WWOX: variants seen among roughly 807,000 people sequenced by gnomAD.
The protein encoded by WWOX is WW domain-containing oxidoreductase.
In WWOX, 69 loss-of-function variants were observed where a neutral mutation model predicts 46.2. The ratio of observed to expected loss-of-function variants is 1.49; its 90% CI spans 1.23 to 1.82. WWOX has a LOEUF of 1.82. Among genes scored for constraint, WWOX ranks in the 40% most tolerant of loss-of-function variants. WWOX has a pLI of 0.00. For synonymous variants in WWOX, 359 were observed against 202.6 expected (o/e 1.77, Z -6.56); for missense variants, 919 against 542.6 (o/e 1.69, Z -6.89).
intron 8 of WWOX, among the ~76,000 whole-genome samples, chr16:78,664,310 G>T (rs572084670): frequency 1.3e-5 from 2 of 152,336 alleles, no homozygotes; most frequent in African/African-American, 2.4e-5. Context: ...CTGACTCCCA[G>T]TGTGGGCTGG....
chr16:78,588,840 C>A (rs141981395), intron 8 of WWOX, among the ~76,000 whole-genome samples: 1 of 152,086 alleles, frequency 6.6e-6, no homozygotes, highest in Non-Finnish European at 1.5e-5. Context: ...CAGGTTTACC[C>A]AGGGTGGTGG....
intron 4 of WWOX, among the ~76,000 whole-genome samples, chr16:78,158,473 C>T (rs1412623987): frequency 2.0e-5 from 3 of 151,814 alleles, no homozygotes; most frequent in Admixed American, 6.6e-5. Context: ...TCCCTCCCTC[C>T]CCTCCCCTCC....
chr16:78,650,559 G>A (rs1228229978), intron 8 of WWOX, among the ~76,000 whole-genome samples: 1 of 152,134 alleles, frequency 6.6e-6, no homozygotes, highest in Non-Finnish European at 1.5e-5. Context: ...GCCTGCAAAT[G>A]CATTTTTCAT....
intron 8 of WWOX, among the ~76,000 whole-genome samples, chr16:78,966,816 C>A (rs895299416): frequency 6.6e-6 from 1 of 152,246 alleles, no homozygotes; most frequent in Non-Finnish European, 1.5e-5. Flanking sequence ...GGCAGAATTA[C>A]CTACTGCTTT....
At chr16:78,518,501 G>T (rs1006633711) in intron 8 of WWOX, among the ~76,000 whole-genome samples, 1 of 152,142 alleles carries the variant, frequency 6.6e-6, no homozygotes, top group Non-Finnish European at 1.5e-5. Context: ...GATTACAGAC[G>T]TGAGTGACCA....
rs1567450453 is a variant in WWOX, at chr16:78,632,042, TAA to T, written c.1056+199293_1056+199294del. Among the ~76,000 whole-genome samples the T allele has an allele frequency of 3.7e-4, 56 of 151,894 alleles. 1 individual carries two copies. The highest frequency in any genetic ancestry group is 1.3e-3 in the African/African-American group (54 of 41,368). ...CCTCCCAATTTTTTCTTAAAAAAAA[TAA>T]AAGTCTTCTTGGTCCATGAAATCCA... is the stretch of plus-strand genomic sequence containing the variant. On this transcript the variant is annotated intron_variant, in intron 8 of 8. Transcript: ENST00000566780.
intron 8 of WWOX, among the ~76,000 whole-genome samples, chr16:78,560,360 T>G (rs2044406052): frequency 6.6e-6 from 1 of 152,170 alleles, no homozygotes; most frequent in Non-Finnish European, 1.5e-5. Context: ...ATAACATTAG[T>G]GGCCAGGTGC....
intron 8 of WWOX, among the ~76,000 whole-genome samples, chr16:78,507,500 C>T (rs2085240407): frequency 6.6e-6 from 1 of 152,186 alleles, no homozygotes; most frequent in Admixed American, 6.5e-5. Flanking sequence ...CCATAAAAAG[C>T]TGCCTGTGTT....
chr16:79,185,555 T>C (rs1224731082), intron 8 of WWOX, among the ~76,000 whole-genome samples: 6 of 152,114 alleles, frequency 3.9e-5, no homozygotes, highest in Non-Finnish European at 8.8e-5. Context: ...TCAGAACGGA[T>C]TGAGAGCTCG....
chr16:78,437,526 A>G (rs1432137733), intron 8 of WWOX, among the ~76,000 whole-genome samples: 3 of 152,184 alleles, frequency 2.0e-5, no homozygotes, highest in East Asian at 3.9e-4. Flanking sequence ...ACAGGAATCA[A>G]TTCTCAGCAC....
intron 8 of WWOX, among the ~76,000 whole-genome samples, chr16:78,769,467 T>G (rs2050009648): frequency 6.6e-6 from 1 of 152,174 alleles, no homozygotes; most frequent in African/African-American, 2.4e-5. Context: ...TTGCTTGCAT[T>G]CTGTGACAGA....
chr16:78,819,502 T>G lies in WWOX; in HGVS notation c.1056+386750T>G, dbSNP rs141036855. 1.2e-4 allele frequency among the ~76,000 whole-genome samples: 18 copies of G among 152,328 alleles called. No homozygotes were observed. The East Asian group carries it at 3.3e-3, about 28-fold the overall frequency. On this transcript the variant is annotated intron_variant, in intron 8 of 8. Transcript: ENST00000566780. ...TAGAAATTTCTGCATAATCCACCAC[T>G]TAATTTGCATATAATTAAAAATGGG...
At chr16:78,981,968 A>G (rs56736386) in intron 8 of WWOX, 1 of 152,154 alleles carries the variant, frequency 6.6e-6, no homozygotes, top group African/African-American at 2.4e-5. Context: ...CCCTCCCAGA[A>G]CATTGAAGGC....
At chr16:78,481,724 A>AGTGTGTGTGTGTGTGTGTGT (rs67780639) in intron 8 of WWOX, among the ~76,000 whole-genome samples, 228 of 137,028 alleles carry the variant, frequency 1.7e-3, no homozygotes, top group Middle Eastern at 7.2e-3. Context: ...GGGCAAGGGA[A>AGTGTGTGTGTGTGTGTGTGT]GTGTGTGTGT....
At chr16:78,882,402 T>G (rs2044361438) in intron 8 of WWOX, among the ~76,000 whole-genome samples, 1 of 152,028 alleles carries the variant, frequency 6.6e-6, no homozygotes, top group African/African-American at 2.4e-5. Context: ...CTCTATTTTA[T>G]TACCTGTGCC....
chr16:78,912,552 G>C (rs543442529), intron 8 of WWOX, among the ~76,000 whole-genome samples: 3 of 152,154 alleles, frequency 2.0e-5, no homozygotes, highest in East Asian at 3.9e-4. Flanking sequence ...CCTTGTTGGA[G>C]ACAAAACCAG....
At chr16:79,076,149 A>C (rs1261227244) in intron 8 of WWOX, among the ~76,000 whole-genome samples, 1 of 152,228 alleles carries the variant, frequency 6.6e-6, no homozygotes, top group Admixed American at 6.5e-5. Flanking sequence ...TTATTTTCTC[A>C]AAGGAATATT....
intron 8 of WWOX, among the ~76,000 whole-genome samples, chr16:78,710,953 CATTTT>C (rs1486657134): frequency 6.6e-6 from 1 of 152,106 alleles, no homozygotes; most frequent in African/African-American, 2.4e-5. Flanking sequence ...TTTCTTTTCA[CATTTT>C]GTTTTGTGCT....
intron 5 of WWOX, among the ~76,000 whole-genome samples, chr16:78,351,786 C>T (rs1453705083): frequency 6.6e-6 from 1 of 152,112 alleles, no homozygotes; most frequent in Non-Finnish European, 1.5e-5. Flanking sequence ...CCTCCCGAGT[C>T]TCTGGGATTA....
Sources: allele counts gnomAD v4.1 joint callset (sites outside exome capture counted in the v4.1 genomes callset), GRCh38; gene constraint gnomAD v4.1.1; transcripts MANE v1.5; gene names NCBI Gene and HGNC (gene_info 2026-07-23, HGNC 2026-07-21).